The following MTMR9 variants were observed in gnomAD, a reference collection of about 807,000 sequenced individuals.
MTMR9 encodes the protein myotubularin-related protein 9.
Under a neutral mutation model 69.5 loss-of-function variants are expected in MTMR9, and 39 were observed. The observed-to-expected ratio is 0.56, with a 90% CI of 0.43 to 0.73. The LOEUF is 0.73. Ranked by LOEUF, MTMR9 falls within the 30% of genes least tolerant of loss-of-function variation. The pLI is 0.00. For synonymous variants in MTMR9, 354 were observed against 240.8 expected (o/e 1.47, Z -4.35); for missense variants, 900 against 671.2 (o/e 1.34, Z -3.77).
At chr8:11,288,162 A>C (rs1441073646) in intron 1 of MTMR9, among the ~76,000 whole-genome samples, 1 of 134,124 alleles carries the variant, frequency 7.5e-6, no homozygotes. Context: ...CGAATAGGTG[A>C]ATAATTATTT....
rs1801019785 is a variant in MTMR9 at position 11,327,943 on chromosome 8, T to C, written c.*5155T>C. 6.6e-6 allele frequency: 1 copy of C among 152,210 alleles called. No individual in the cohort carries two copies. The highest frequency in any genetic ancestry group is 2.4e-5 in the African/African-American group (1 of 41,452). The allele number at this position is 152,210 out of a possible 1,614,324, so 9.4% of individuals were successfully genotyped here. A position where few individuals can be genotyped will look rare whatever the true frequency, so the allele number is the denominator to read the frequency against. On this transcript the variant is annotated 3_prime_UTR_variant, in exon 10 of 10. Coordinates refer to ENST00000221086, the MANE Select transcript of MTMR9 (RefSeq NM_015458.4). ...TTTCCCCTGTACCCTATAACTGTAA[T>C]CATTCACCTTGGGTTGGCCGGTTTG... is the stretch of plus-strand genomic sequence containing the variant.
chr8:11,306,836 A>G (rs1010829732), intron 5 of MTMR9, among the ~76,000 whole-genome samples: 18 of 152,122 alleles, frequency 1.2e-4, no homozygotes, highest in African/African-American at 3.9e-4. Flanking sequence ...CCTTTGATCA[A>G]CATGTCCCCA....
chr8:11,304,043 A>G (rs1799844865), intron 3 of MTMR9, among the ~76,000 whole-genome samples: 1 of 151,612 alleles, frequency 6.6e-6, no homozygotes, highest in Non-Finnish European at 1.5e-5. Flanking sequence ...TGAAATTTAC[A>G]TATAATTTGA....
chr8:11,331,205 C>T (rs765551291), downstream of MTMR9: 2 of 1,613,894 alleles, frequency 1.2e-6, no homozygotes, highest in Non-Finnish European at 1.7e-6. Flanking sequence ...GCTGCCAGCC[C>T]TCTGGTGCCA....
Position 11,327,446 on chromosome 8 carries a change from T to C in MTMR9, c.*4658T>C, listed in dbSNP as rs1286133165. ...AAACTGAGTTGTACAACACTGCCTGTGTTTGTCTGGCCAAGACATTTGCTT... is the reference window on the plus strand; with the variant it reads ...AAACTGAGTTGTACAACACTGCCTGCGTTTGTCTGGCCAAGACATTTGCTT... On this transcript the variant is annotated 3_prime_UTR_variant, in exon 10 of 10. Transcript: ENST00000221086. 1.3e-5 allele frequency: 2 copies of C among 152,230 alleles called. No individual in the cohort carries two copies. The highest frequency in any genetic ancestry group is 2.4e-5 in the African/African-American group (1 of 41,468). 9.4% of individuals were successfully genotyped at this position (152,230 alleles called of 1,614,324 possible).
downstream of MTMR9, among the ~76,000 whole-genome samples, chr8:11,332,817 G>T: frequency 6.6e-6 from 1 of 152,162 alleles, no homozygotes; most frequent in Non-Finnish European, 1.5e-5. Context: ...GGCCAGGCTG[G>T]TCTCAAACTC....
At chr8:11,298,137 T>A (rs1799622139) in intron 2 of MTMR9, among the ~76,000 whole-genome samples, 1 of 152,214 alleles carries the variant, frequency 6.6e-6, no homozygotes, top group South Asian at 2.1e-4. Context: ...CACCTGCCTT[T>A]GGAAGTGAAA....
chr8:11,329,526 G>C (rs962030438), downstream of MTMR9, among the ~76,000 whole-genome samples: 2 of 152,258 alleles, frequency 1.3e-5, no homozygotes, highest in Non-Finnish European at 2.9e-5. Flanking sequence ...GTGTTGGCCG[G>C]GCTGGTATCC....
In MTMR9 at chr8:11,305,169, A is replaced by T. The variant is rs924826089; in HGVS notation, c.591+155A>T. ...TTCATGTAAGCTTTAGGGAATCAGGAGTAGGGTGTTTTCTGTGGTGAGGAT... is the reference window on the plus strand; with the variant it reads ...TTCATGTAAGCTTTAGGGAATCAGGTGTAGGGTGTTTTCTGTGGTGAGGAT... On this transcript the variant is annotated intron_variant, in intron 4 of 9. Coordinates refer to ENST00000221086, the MANE Select transcript of MTMR9 (RefSeq NM_015458.4). Among the ~76,000 whole-genome samples, 4 of 152,266 alleles carry T rather than the reference A, an allele frequency of 2.6e-5. 1 individual carries two copies.
chr8:11,322,060 G>A (rs1427240195), intron 9 of MTMR9, among the ~76,000 whole-genome samples: 1 of 152,074 alleles, frequency 6.6e-6, no homozygotes, highest in Non-Finnish European at 1.5e-5. Flanking sequence ...ATTATTATTT[G>A]GGGAAAGAAG....
chr8:11,311,070 G>A (rs1800177912), intron 6 of MTMR9, among the ~76,000 whole-genome samples: 1 of 152,132 alleles, frequency 6.6e-6, no homozygotes, highest in Non-Finnish European at 1.5e-5. Context: ...CTGAAAACAT[G>A]AAAATAGAGT....
chr8:11,295,458 G>A (rs1046967772), intron 2 of MTMR9, among the ~76,000 whole-genome samples, 156 bp downstream of exon 2: 1 of 151,966 alleles, frequency 6.6e-6, no homozygotes, highest in Non-Finnish European at 1.5e-5. Context: ...CGTCATATGA[G>A]TGTAATGGAA....
intron 2 of MTMR9, 35 bp downstream of exon 2, chr8:11,295,337 A>G (rs750330367): frequency 2.4e-5 from 28 of 1,158,270 alleles, no homozygotes; most frequent in Non-Finnish European, 2.5e-5. Context: ...AATGAAACAT[A>G]ATTTTATATT....
chr8:11,326,574 A>T lies in MTMR9; in HGVS notation c.*3786A>T, dbSNP rs769378467. ...ACTATACCTCAAGACCACATAGATT[A>T]GCTACTGCTTATTCTTTCACATGGG... On this transcript the variant is annotated 3_prime_UTR_variant, in exon 10 of 10. Transcript: ENST00000221086. 6.6e-6 allele frequency: 1 copy of T among 152,254 alleles called. No homozygotes were observed. The highest frequency in any genetic ancestry group is 2.4e-5 in the African/African-American group (1 of 41,460). The allele number at this position is 152,254 out of a possible 1,614,324, so 9.4% of individuals were successfully genotyped here.
chr8:11,302,549 A>G (rs1799788196), intron 3 of MTMR9, among the ~76,000 whole-genome samples: 1 of 152,192 alleles, frequency 6.6e-6, no homozygotes, highest in East Asian at 1.9e-4. Flanking sequence ...TCTATTTATG[A>G]TAAAAGCTCT....
intron 4 of MTMR9, among the ~76,000 whole-genome samples, chr8:11,305,721 A>G (rs548389511): frequency 1.3e-5 from 2 of 152,374 alleles, no homozygotes; most frequent in African/African-American, 2.4e-5. Flanking sequence ...CTTCTGAGGT[A>G]GTGAAAATGA....
At chr8:11,336,450 A>G in the MTMR9 span, among the ~76,000 whole-genome samples, 1 of 152,202 alleles carries the variant, frequency 6.6e-6, no homozygotes, top group African/African-American at 2.4e-5. Flanking sequence ...TTCACACCGA[A>G]ATATAAAATC....
At chr8:11,332,095 G>A (rs751811964), downstream of MTMR9, 1 of 1,611,850 alleles carries the variant, frequency 6.2e-7, no homozygotes, top group Admixed American at 1.7e-5. Context: ...AACCTCAGCT[G>A]TGAGAGGACA....
In MTMR9 at chr8:11,324,002, G is replaced by C. The variant is rs756088719; in HGVS notation, c.*1214G>C. On this transcript the variant is annotated 3_prime_UTR_variant, in exon 10 of 10. Coordinates refer to ENST00000221086, the MANE Select transcript of MTMR9 (RefSeq NM_015458.4). ...TGCAACTCCAAATGTTTGTGGTTCA[G>C]TATTTCCCACCTACATTTCTGTTTG... The C allele has an allele frequency of 6.6e-6, 1 of 152,176 alleles. No homozygotes were observed. The highest frequency in any genetic ancestry group is 1.5e-5 in the Non-Finnish European group (1 of 68,040). 9.4% of individuals were successfully genotyped at this position (152,176 alleles called of 1,614,324 possible).
Sources: allele counts gnomAD v4.1 joint callset (sites outside exome capture counted in the v4.1 genomes callset), GRCh38; gene constraint gnomAD v4.1.1; transcripts MANE v1.5; gene names NCBI Gene and HGNC (gene_info 2026-07-23, HGNC 2026-07-21).